The following TSPEAR variants were observed in gnomAD, a reference collection of about 807,000 sequenced individuals.
The protein encoded by TSPEAR is thrombospondin type laminin G domain and EAR repeats, also known as thrombospondin-type laminin G domain and EAR repeat-containing protein.
A neutral mutation model predicts 71.6 loss-of-function variants in TSPEAR; 69 were observed. The observed-to-expected ratio is 0.96, with a 90% CI of 0.79 to 1.18. The LOEUF is 1.18. Among genes scored for constraint, TSPEAR ranks in the 50% most tolerant of loss-of-function variants. The probability of loss-of-function intolerance (pLI) is 0.00; values close to 1 mark genes in which losing one functional copy is unlikely to be tolerated. For missense variants in TSPEAR, 971 were observed against 894.9 expected, an observed-to-expected ratio of 1.09 and a Z score of -1.09; for synonymous variants, 402 against 387.2, an observed-to-expected ratio of 1.04 and a Z score of -0.45.
chr21:44,567,166 C>A (rs1555921841), intron 2 of TSPEAR, among the ~76,000 whole-genome samples: 2 of 152,048 alleles, frequency 1.3e-5, no homozygotes, highest in South Asian at 4.2e-4. Flanking sequence ...AGCAATAAGT[C>A]CATTAATCCA....
In TSPEAR at chr21:44,531,240, T is replaced by C. The variant is rs1244678341; in HGVS notation, c.543-107A>G. 8.4e-6 allele frequency: 7 copies of C among 830,098 alleles called. No homozygotes were observed. In the East Asian group the frequency reaches 1.1e-4, roughly 13 times the overall value. The allele number at this position is 830,098 out of a possible 1,614,324, so 51.4% of individuals were successfully genotyped here. A position where few individuals can be genotyped will look rare whatever the true frequency, so the allele number is the denominator to read the frequency against. On this transcript the variant is annotated intron_variant, in intron 3 of 11. Transcript: ENST00000323084. ...CTCACTAAGCAGCGTGCATCTGTGC[T>C]GTGGCTGCCACACAAAGGATGGCAC...
chr21:44,517,367 A>C (rs2052607937), intron 9 of TSPEAR: 1 of 168,648 alleles, frequency 5.9e-6, no homozygotes, highest in Non-Finnish European at 1.3e-5. Context: ...AGACTGGGTC[A>C]TATGACCAGC....
rs140818230 is a variant in TSPEAR at position 44,499,814 on chromosome 21, A to C, written c.1979T>G (p.Leu660Arg). Reference sequence around the variant, plus strand: ...TGTCCTCAGCCGCAGGACCCTGGAGAGGGGCTCCTTGGCGCTGGAGTAGAT... The same window carrying C: ...TGTCCTCAGCCGCAGGACCCTGGAGCGGGGCTCCTTGGCGCTGGAGTAGAT... ...YLIYSSAKEP[L>R]SRVLRLRTR is the part of the protein sequence containing the mutation. Residue 660 changes from leucine (L) to arginine (R), a missense_variant, in exon 12 of 12, where the codon CTC becomes CGC. Physicochemically the swap from Leu to Arg is moderately radical, Grantham distance 102. Transcript: ENST00000323084. The C allele has an allele frequency of 7.8e-5, 123 of 1,578,904 alleles. No individual in the cohort carries two copies. In the African/African-American group the frequency reaches 1.4e-3, roughly 18 times the overall value.
intron 1 of TSPEAR, among the ~76,000 whole-genome samples, chr21:44,631,546 T>G (rs1360081178): frequency 6.6e-6 from 1 of 152,092 alleles, no homozygotes; most frequent in African/African-American, 2.4e-5. Flanking sequence ...AGTGAAACCC[T>G]GTCTCTACTA....
chr21:44,633,322 T>A (rs868952776), intron 1 of TSPEAR, among the ~76,000 whole-genome samples: 1 of 152,204 alleles, frequency 6.6e-6, no homozygotes, highest in East Asian at 1.9e-4. Context: ...TGAAGTTAGA[T>A]TACTGAATTG....
chr21:44,619,207 A>T (rs1448501957), intron 1 of TSPEAR, among the ~76,000 whole-genome samples: 2 of 152,270 alleles, frequency 1.3e-5, no homozygotes, highest in Non-Finnish European at 2.9e-5. Context: ...AAGAAAAATA[A>T]GTTTTTGATT....
intron 1 of TSPEAR, among the ~76,000 whole-genome samples, chr21:44,615,159 T>G (rs782497657): frequency 6.6e-6 from 1 of 152,232 alleles, no homozygotes; most frequent in African/African-American, 2.4e-5. Flanking sequence ...CTCCGGCGCA[T>G]GTACGTAAGC....
At chr21:44,575,538 A>G (rs1237256914) in intron 1 of TSPEAR, among the ~76,000 whole-genome samples, 28 of 152,352 alleles carry the variant, frequency 1.8e-4, no homozygotes, top group Non-Finnish European at 1.5e-5. Flanking sequence ...GGAGCCTTGC[A>G]GCCCTTTGGC....
chr21:44,612,770 C>T lies in TSPEAR; in HGVS notation c.83-44765G>A, dbSNP rs782158022. 2.5e-6 allele frequency: 4 copies of T among 1,613,696 alleles called. No individual in the cohort carries two copies. Among genetic ancestry groups the T allele is most frequent in the Admixed American group, 3.3e-5 (2 of 60,016 alleles). On this transcript the variant is annotated intron_variant, in intron 1 of 11. Transcript: ENST00000323084. This position sits in a 1 kb window ranked among gnomAD's most constrained non-coding sequence, Gnocchi z 4.1. Reference sequence around the variant, plus strand: ...TGTGTGCCGGCCTGCCTGCTGTGTGCCTGTCCCCTCCTGTTGTGTCCCTGC... The same window carrying T: ...TGTGTGCCGGCCTGCCTGCTGTGTGTCTGTCCCCTCCTGTTGTGTCCCTGC...
In TSPEAR at chr21:44,568,011, G is replaced by A. The variant is rs150182564; in HGVS notation, c.83-6C>T. 3.3e-6 allele frequency: 5 copies of A among 1,507,162 alleles called. No individual in the cohort carries two copies. The highest frequency in any genetic ancestry group is 2.2e-5 in the Admixed American group (1 of 46,388). The allele number at this position is 1,507,162 out of a possible 1,614,324, so 93.4% of individuals were successfully genotyped here. A position where few individuals can be genotyped will look rare whatever the true frequency, so the allele number is the denominator to read the frequency against. Reference sequence around the variant, plus strand: ...GATGTCCAGGGGGCGCAGGTCTGTGGCAAAGAAATCACAGGTGGGTTAGGC... The same window carrying A: ...GATGTCCAGGGGGCGCAGGTCTGTGACAAAGAAATCACAGGTGGGTTAGGC... On this transcript the variant is annotated splice_region_variant and splice_polypyrimidine_tract_variant and intron_variant, in intron 1 of 11. Coordinates refer to ENST00000323084, the MANE Select transcript of TSPEAR (RefSeq NM_144991.3).
At chr21:44,606,318 T>C (rs1266734790) in intron 1 of TSPEAR, among the ~76,000 whole-genome samples, 1 of 152,120 alleles carries the variant, frequency 6.6e-6, no homozygotes, top group Non-Finnish European at 1.5e-5. Flanking sequence ...GAAGATGCAA[T>C]GAGACATCAC....
chr21:44,678,013 C>T (rs1337822163), intron 1 of TSPEAR: 31 of 855,384 alleles, frequency 3.6e-5, no homozygotes, highest in South Asian at 1.5e-4. Flanking sequence ...TCACAGTGGA[C>T]GGAGGACTAA....
chr21:44,603,427 G>C (rs587737764), intron 1 of TSPEAR, among the ~76,000 whole-genome samples: 2 of 152,172 alleles, frequency 1.3e-5, no homozygotes, highest in Non-Finnish European at 2.9e-5. Flanking sequence ...TCCCACAGAC[G>C]GCAAGATGGA....
intron 1 of TSPEAR, chr21:44,627,004 C>T (rs1982834437): frequency 7.3e-6 from 8 of 1,091,978 alleles, no homozygotes; most frequent in East Asian, 2.5e-5. Flanking sequence ...TGGCAGACGC[C>T]GCCTCTCAGC....
At chr21:44,599,172 C>CTCTCT (rs1372930980) in intron 1 of TSPEAR, among the ~76,000 whole-genome samples, 59 of 146,032 alleles carry the variant, frequency 4.0e-4, no homozygotes, top group South Asian at 1.5e-3. Context: ...CTCTCTCTCT[C>CTCTCT]CTTCCATCCC....
intron 2 of TSPEAR, among the ~76,000 whole-genome samples, chr21:44,556,100 G>A (rs587621027): frequency 3.3e-5 from 5 of 152,336 alleles, no homozygotes; most frequent in South Asian, 2.1e-4. Flanking sequence ...AAGTCGTGCC[G>A]GGCACGGTGG....
At chr21:44,499,975 C>G in intron 11 of TSPEAR, 39 bp from the exon 12 acceptor site, 1 of 1,561,760 alleles carries the variant, frequency 6.4e-7, no homozygotes. Flanking sequence ...AGCCTGGGCT[C>G]TGCGGGGCAG....
At chr21:44,606,071 C>T (rs587674813) in intron 1 of TSPEAR, among the ~76,000 whole-genome samples, 2 of 139,744 alleles carry the variant, frequency 1.4e-5, no homozygotes, top group African/African-American at 5.3e-5. Flanking sequence ...CTACTACTCA[C>T]AATAAGGAAC....
intron 1 of TSPEAR, among the ~76,000 whole-genome samples, chr21:44,685,110 G>A (rs1346881493): frequency 1.3e-5 from 2 of 152,060 alleles, no homozygotes; most frequent in African/African-American, 4.8e-5. Context: ...GCCTTGGAGG[G>A]GATTTCATTA....
Sources: allele counts gnomAD v4.1 joint callset (sites outside exome capture counted in the v4.1 genomes callset), GRCh38; gene constraint gnomAD v4.1.1; non-coding constraint Gnocchi (gnomAD v3.1); transcripts MANE v1.5; gene names NCBI Gene and HGNC (gene_info 2026-07-23, HGNC 2026-07-21).